Variants in BRD4 observed in about 807,000 individuals in gnomAD.
BRD4 encodes the protein bromodomain-containing protein 4.
BRD4 carries 16 observed loss-of-function variants against 142.1 expected under a neutral mutation model. The observed-to-expected ratio is 0.11, with a 90% CI of 0.08 to 0.17. The LOEUF (loss-of-function observed/expected upper bound fraction) is 0.17. Ranked by LOEUF, BRD4 falls within the 10% of genes least tolerant of loss-of-function variation. The pLI, the probability that BRD4 is intolerant of heterozygous loss-of-function variation, is 1.00. For missense variants in BRD4, 1,424 were observed against 1,810.9 expected, an observed-to-expected ratio of 0.79 and a Z score of 3.88; for synonymous variants, 833 against 707.5, an observed-to-expected ratio of 1.18 and a Z score of -2.82.
At chr19:15,278,079 C>G (rs190110100) in intron 1 of BRD4, among the ~76,000 whole-genome samples, 2 of 118,986 alleles carry the variant, frequency 1.7e-5, no homozygotes, top group East Asian at 5.6e-4. Context: ...GCATTCCAGC[C>G]TGGGAGACAG....
In BRD4 at chr19:15,272,952, T is replaced by C; in HGVS notation, c.148A>G (p.Thr50Ala). Reference protein sequence around the residue: ...AASTNPPPPETSNPNKPKRQT... With the variant: ...AASTNPPPPEASNPNKPKRQT... ...CTCTTGGGCTTGTTAGGGTTGGAGG[T>C]CTCTGGGGGCGGGGGGTTGGTGCTG... Residue 50 changes from threonine to alanine, a missense_variant, in exon 2 of 20, where the codon ACC becomes GCC. Transcript: ENST00000679869. 1 of 1,613,690 alleles carries C rather than the reference T, an allele frequency of 6.2e-7. No homozygotes were observed.
Position 15,272,975 on chromosome 19 carries a change from C to A in BRD4, c.125G>T (p.Ser42Ile). The A allele has an allele frequency of 6.2e-7, 1 of 1,614,186 alleles. No individual in the cohort carries two copies. Among genetic ancestry groups the A allele is most frequent in the Non-Finnish European group, 8.5e-7 (1 of 1,180,038 alleles). ...GGTCTCTGGGGGCGGGGGGTTGGTG[C>A]TGGCTGCGTTGGCTGGCTGGGGTTG... ...QAQPQPANAA[S>I]TNPPPPETSN... Residue 42 changes from serine (S) to isoleucine (I), a missense_variant, in exon 2 of 20, where the codon AGC (serine) becomes ATC (isoleucine). Physicochemically the swap from Ser to Ile is moderately radical, Grantham distance 142. Coordinates refer to ENST00000679869, the MANE Select transcript of BRD4 (RefSeq NM_001379291.1).
chr19:15,253,803 G>T (rs754567877), intron 11 of BRD4: 4 of 1,584,354 alleles, frequency 2.5e-6, no homozygotes, highest in Non-Finnish European at 3.4e-6. Context: ...GTCACATCAA[G>T]GTCAACAGCA....
At chr19:15,294,476 A>G (rs948293284) in intron 1 of BRD4, among the ~76,000 whole-genome samples, 3 of 152,290 alleles carry the variant, frequency 2.0e-5, no homozygotes, top group African/African-American at 7.2e-5. Flanking sequence ...ACTGAACTCA[A>G]GCGAAGCTTG....
chr19:15,263,639 G>T, intron 6 of BRD4, 91 bp from the exon 7 acceptor site: 3 of 1,537,532 alleles, frequency 2.0e-6, no homozygotes, highest in Non-Finnish European at 2.7e-6. Context: ...GCCTAGAAGA[G>T]CAAGTTGGTT....
chr19:15,303,479 A>G (rs1323369627), intron 1 of BRD4, among the ~76,000 whole-genome samples: 2 of 152,238 alleles, frequency 1.3e-5, no homozygotes, highest in African/African-American at 2.4e-5. Context: ...GACAGCGAAC[A>G]CCTTTAGATT....
At chr19:15,323,890 G>A (rs891717868) in intron 1 of BRD4, among the ~76,000 whole-genome samples, 3 of 152,298 alleles carry the variant, frequency 2.0e-5, no homozygotes, top group African/African-American at 7.2e-5. Flanking sequence ...TTTCTCAACA[G>A]TCCCAGGCAT....
At chr19:15,242,094 G>A (rs986935624) in intron 14 of BRD4, among the ~76,000 whole-genome samples, 2 of 152,262 alleles carry the variant, frequency 1.3e-5, no homozygotes, top group South Asian at 2.1e-4. Flanking sequence ...GATTACAGGC[G>A]TGAGCCACCG....
chr19:15,286,721 T>C (rs1299159270), intron 1 of BRD4, among the ~76,000 whole-genome samples: 1 of 152,214 alleles, frequency 6.6e-6, no homozygotes, highest in Non-Finnish European at 1.5e-5. Flanking sequence ...AAAAAGTAGA[T>C]TCACATACCC....
chr19:15,286,920 G>A (rs923481583), intron 1 of BRD4, among the ~76,000 whole-genome samples: 1 of 152,200 alleles, frequency 6.6e-6, no homozygotes, highest in Admixed American at 6.5e-5. Context: ...TCACTGGCTA[G>A]GAGGCCAAGG....
At chr19:15,324,430 G>T (rs571853924) in intron 1 of BRD4, among the ~76,000 whole-genome samples, 62 of 152,290 alleles carry the variant, frequency 4.1e-4, no homozygotes, top group Admixed American at 1.7e-3. Context: ...GACTTAACTG[G>T]TTCTTCTGGT....
chr19:15,316,254 G>A (rs1055606450), intron 1 of BRD4, among the ~76,000 whole-genome samples: 4 of 151,242 alleles, frequency 2.6e-5, no homozygotes, highest in Admixed American at 2.6e-4. Context: ...GGGGCACCTG[G>A]ACTAAAGACA....
intron 7 of BRD4, among the ~76,000 whole-genome samples, chr19:15,259,995 C>T (rs1328115467): frequency 1.3e-5 from 2 of 152,208 alleles, no homozygotes; most frequent in Admixed American, 1.3e-4. Flanking sequence ...GGCACCAGCA[C>T]CCGCCAGGGA....
intron 11 of BRD4, chr19:15,253,764 G>C (rs764496023): frequency 6.3e-7 from 1 of 1,598,082 alleles, no homozygotes; most frequent in Non-Finnish European, 8.5e-7. Flanking sequence ...GGGACACGAA[G>C]TCTCCACTGG....
At chr19:15,303,963 T>C (rs2047892716) in intron 1 of BRD4, among the ~76,000 whole-genome samples, 1 of 152,190 alleles carries the variant, frequency 6.6e-6, no homozygotes, top group Admixed American at 6.5e-5. Context: ...TGATGCCCTC[T>C]GAGCCCCAAA....
chr19:15,270,831 C>A (rs1382078949), intron 2 of BRD4, among the ~76,000 whole-genome samples: 1 of 152,188 alleles, frequency 6.6e-6, no homozygotes, highest in Non-Finnish European at 1.5e-5. Context: ...TCAGCCCCCA[C>A]CAAATGCCCT....
chr19:15,305,838 T>C (rs1026668674), intron 1 of BRD4, among the ~76,000 whole-genome samples: 1 of 152,266 alleles, frequency 6.6e-6, no homozygotes, highest in Non-Finnish European at 1.5e-5. Context: ...AAATGTTTAC[T>C]GTAGCCACCT....
chr19:15,255,502 C>T lies in BRD4; in HGVS notation c.1842G>A (p.Glu614=). The change falls in exon 10 of 20, where the codon GAG becomes GAA. Residue 614 remains glutamate (E), a synonymous_variant. Transcript: ENST00000679869. ...TGATGTCCAAGCTGAGCTGCCGCTT[C>T]TCCTCATAGGACATAGGCTTGCACT... ...EDKCKPMSYE[E]KRQLSLDINK... is the part of the protein sequence containing the mutation. 1 of 1,614,188 alleles carries T rather than the reference C, an allele frequency of 6.2e-7. No homozygotes were observed. Among genetic ancestry groups the T allele is most frequent in the Non-Finnish European group, 8.5e-7 (1 of 1,180,030 alleles).
intron 1 of BRD4, among the ~76,000 whole-genome samples, chr19:15,278,603 CTGTT>C (rs978910187): frequency 2.8e-5 from 4 of 141,896 alleles, no homozygotes; most frequent in Non-Finnish European, 6.2e-5. Context: ...ATATATATTC[CTGTT>C]TTTTTTTTTC....
Sources: allele counts gnomAD v4.1 joint callset (sites outside exome capture counted in the v4.1 genomes callset), GRCh38; gene constraint gnomAD v4.1.1; transcripts MANE v1.5; gene names NCBI Gene and HGNC (gene_info 2026-07-23, HGNC 2026-07-21).